PRRX2: variants seen among roughly 807,000 people sequenced by gnomAD.
PRRX2 encodes paired related homeobox 2.
A neutral mutation model predicts 18.0 loss-of-function variants in PRRX2; 11 were observed. The ratio of observed to expected loss-of-function variants is 0.61; its 90% CI spans 0.39 to 1.01. The LOEUF (loss-of-function observed/expected upper bound fraction) is 1.01. Ranked by LOEUF, PRRX2 falls within the 50% of genes least tolerant of loss-of-function variation. PRRX2 has a pLI of 0.01. For synonymous variants in PRRX2, 177 were observed against 154.8 expected (o/e 1.14, Z -1.06); for missense variants, 387 against 351.0 (o/e 1.10, Z -0.82).
At chr9:129,693,552 C>T (rs1278353624) in intron 1 of PRRX2, among the ~76,000 whole-genome samples, 1 of 150,530 alleles carries the variant, frequency 6.6e-6, no homozygotes, top group Non-Finnish European at 1.5e-5. Context: ...TGAGATCACG[C>T]TATTGCACTC....
chr9:129,665,688 A>C lies in PRRX2; in HGVS notation c.-180A>C. 3.6e-6 allele frequency: 1 copy of C among 275,906 alleles called. No individual in the cohort carries two copies. Among genetic ancestry groups the C allele is most frequent in the Non-Finnish European group, 5.6e-6 (1 of 179,174 alleles). 17.1% of individuals were successfully genotyped at this position (275,906 alleles called of 1,614,324 possible). On this transcript the variant is annotated 5_prime_UTR_variant, in exon 1 of 4. Transcript: ENST00000372469. This position sits in a 1 kb window ranked among gnomAD's most constrained non-coding sequence, Gnocchi z 5.3. ...CCGGAGCGAGCGGCCGTGGCTGAGAAGGGGAGGGCGGAAAGTTTGTTTCCC... is the reference window on the plus strand; with the variant it reads ...CCGGAGCGAGCGGCCGTGGCTGAGACGGGGAGGGCGGAAAGTTTGTTTCCC...
At chr9:129,688,364 C>A (rs375439633) in intron 1 of PRRX2, among the ~76,000 whole-genome samples, 1 of 152,246 alleles carries the variant, frequency 6.6e-6, no homozygotes, top group Admixed American at 6.5e-5. Flanking sequence ...CGTGCCCGGT[C>A]AAGAAATGGC....
intron 1 of PRRX2, among the ~76,000 whole-genome samples, chr9:129,691,051 A>G (rs1832354683): frequency 6.6e-6 from 1 of 151,800 alleles, no homozygotes; most frequent in Non-Finnish European, 1.5e-5. Context: ...AGGCCCGGAC[A>G]CAGTGGCTTA....
At chr9:129,666,621 G>A (rs187446174) in intron 1 of PRRX2, among the ~76,000 whole-genome samples, 341 of 137,904 alleles carry the variant, frequency 2.5e-3, no homozygotes, top group African/African-American at 8.5e-3. Context: ...TCGGTGGAAC[G>A]GCCCAGCCAG....
intron 1 of PRRX2, among the ~76,000 whole-genome samples, chr9:129,711,259 A>G (rs1002650580): frequency 2.6e-5 from 4 of 152,148 alleles, no homozygotes; most frequent in Non-Finnish European, 4.4e-5. Context: ...TTTCCTGGTC[A>G]TGTGGCATCA....
intron 1 of PRRX2, among the ~76,000 whole-genome samples, chr9:129,669,887 G>A (rs371016392): frequency 3.3e-5 from 5 of 151,686 alleles, no homozygotes; most frequent in African/African-American, 1.2e-4. Flanking sequence ...CAAGAATGCT[G>A]TCCGGTGGCA....
At position 129,722,378 on chromosome 9, in the gene PRRX2, G is replaced by A. The variant is rs549073959; in HGVS notation, c.*26G>A. 51 of 1,610,882 alleles carry A rather than the reference G, an allele frequency of 3.2e-5. No homozygotes were observed. In the Admixed American group the frequency reaches 4.0e-4, roughly 13 times the overall value. On this transcript the variant is annotated 3_prime_UTR_variant, in exon 4 of 4. Transcript: ENST00000372469. Reference sequence around the variant, plus strand: ...AGTCCAGTCCCACCAGGACCCAGACGCCTCCCTGGGTGGACAGCAATAGAA... The same window carrying A: ...AGTCCAGTCCCACCAGGACCCAGACACCTCCCTGGGTGGACAGCAATAGAA...
chr9:129,698,157 C>T (rs1160096676), intron 1 of PRRX2, among the ~76,000 whole-genome samples: 1 of 151,722 alleles, frequency 6.6e-6, no homozygotes, highest in Non-Finnish European at 1.5e-5. Flanking sequence ...TGGACCAGCC[C>T]CTTCAGCTCT....
Position 129,719,329 on chromosome 9 carries a change from G to C in PRRX2, c.358G>C (p.Glu120Gln). The change falls in exon 2 of 4, where the codon GAG (glutamate) becomes CAG (glutamine). Residue 120 changes from glutamate to glutamine, a missense_variant. Coordinates refer to ENST00000372469, the MANE Select transcript of PRRX2 (RefSeq NM_016307.4). ...TFNSSQLQAL[E>Q]RVFERTHYPD... ...CAACAGCAGCCAACTGCAGGCGCTG[G>C]AGCGCGTGTTCGAGCGCACGCACTA... The C allele has an allele frequency of 3.7e-6, 6 of 1,606,100 alleles. No individual in the cohort carries two copies. Among genetic ancestry groups the C allele is most frequent in the Non-Finnish European group, 5.1e-6 (6 of 1,176,870 alleles).
chr9:129,686,072 A>AAGTAGCAG (rs914856045), intron 1 of PRRX2, among the ~76,000 whole-genome samples: 1 of 152,234 alleles, frequency 6.6e-6, no homozygotes, highest in African/African-American at 2.4e-5. Flanking sequence ...CAAAGACTGG[A>AAGTAGCAG]AGTAGCAGAG....
intron 1 of PRRX2, among the ~76,000 whole-genome samples, chr9:129,674,334 A>C (rs1351010296): frequency 1.3e-5 from 2 of 152,094 alleles, no homozygotes; most frequent in African/African-American, 4.8e-5. Flanking sequence ...AGTCTCTGGA[A>C]GATATTATTC....
intron 1 of PRRX2, among the ~76,000 whole-genome samples, chr9:129,687,144 T>C (rs959758707): frequency 6.6e-6 from 1 of 151,954 alleles, no homozygotes; most frequent in African/African-American, 2.4e-5. Flanking sequence ...TCCCAGCACA[T>C]TGGGAGGCCT....
intron 1 of PRRX2, among the ~76,000 whole-genome samples, chr9:129,674,608 C>A (rs1006732188): frequency 6.6e-6 from 1 of 152,016 alleles, no homozygotes; most frequent in Non-Finnish European, 1.5e-5. Context: ...ACAGAGGGAC[C>A]CCCCCGCCCC....
intron 1 of PRRX2, among the ~76,000 whole-genome samples, chr9:129,672,583 G>A (rs775793247): frequency 6.6e-6 from 1 of 152,024 alleles, no homozygotes; most frequent in Non-Finnish European, 1.5e-5. Context: ...TTCAGGGGCC[G>A]TGAGGTGGCC....
chr9:129,690,106 T>C (rs1255521029), intron 1 of PRRX2, among the ~76,000 whole-genome samples: 2 of 152,050 alleles, frequency 1.3e-5, no homozygotes, highest in African/African-American at 4.8e-5. Context: ...TAATGCCCCG[T>C]GCAGCTAGGG....
At chr9:129,680,833 C>T (rs78227590) in intron 1 of PRRX2, among the ~76,000 whole-genome samples, 1 of 152,330 alleles carries the variant, frequency 6.6e-6, no homozygotes, top group South Asian at 2.1e-4. Context: ...ACCGCCACTC[C>T]TGTGCAGAAG....
intron 1 of PRRX2, among the ~76,000 whole-genome samples, chr9:129,668,423 G>C (rs1832054992): frequency 6.6e-6 from 1 of 152,162 alleles, no homozygotes; most frequent in South Asian, 2.1e-4. Context: ...CCTCACCACG[G>C]ATCCAGACAT....
Position 129,699,439 on chromosome 9 carries a change from A to ATGTGTGTGTG in PRRX2, c.260-19768_260-19759dup, listed in dbSNP as rs3138854. 3.7e-3 allele frequency among the ~76,000 whole-genome samples: 543 copies of ATGTGTGTGTG among 145,598 alleles called. 2 individuals are homozygous for ATGTGTGTGTG. The highest frequency in any genetic ancestry group is 0.012 in the African/African-American group (494 of 39,570). On this transcript the variant is annotated intron_variant, in intron 1 of 3. Coordinates refer to ENST00000372469, the MANE Select transcript of PRRX2 (RefSeq NM_016307.4). ...ACTCTGTCTCAAAAAAAATATATAT[A>ATGTGTGTGTG]TGTGTGTGTGTGTGTGTGTGTGTGT...
chr9:129,673,652 C>CCA (rs3054761), intron 1 of PRRX2, among the ~76,000 whole-genome samples: 7,044 of 149,276 alleles, frequency 0.047, 193 homozygotes, highest in Middle Eastern at 0.094. Flanking sequence ...ACCCCCCATG[C>CCA]CACACACACA....
Sources: gnomAD v4.1 joint callset for allele counts (sites outside exome capture counted in the v4.1 genomes callset) on GRCh38, gnomAD v4.1.1 for gene constraint, Gnocchi (gnomAD v3.1) non-coding constraint, MANE v1.5 for transcripts, NCBI Gene and HGNC (gene_info 2026-07-23, HGNC 2026-07-21) for gene names.